The following FAM107A variants were observed in gnomAD, a reference collection of about 807,000 sequenced individuals.
FAM107A encodes actin-associated protein FAM107A.
FAM107A carries 19 observed loss-of-function variants against 13.7 expected under a neutral mutation model. The ratio of observed to expected loss-of-function variants is 1.38; its 90% CI spans 0.97 to 2.03. FAM107A has a LOEUF of 2.03. Among genes scored for constraint, FAM107A ranks in the 30% most tolerant of loss-of-function variants. The pLI, the probability that FAM107A is intolerant of heterozygous loss-of-function variation, is 0.00. For missense variants in FAM107A, 203 were observed against 184.4 expected, an observed-to-expected ratio of 1.10 and a Z score of -0.58; for synonymous variants, 82 against 74.5, an observed-to-expected ratio of 1.10 and a Z score of -0.52.
chr3:58,623,798 T>A (rs1401929332), intron 1 of FAM107A, among the ~76,000 whole-genome samples: 1 of 152,238 alleles, frequency 6.6e-6, no homozygotes, highest in African/African-American at 2.4e-5. Flanking sequence ...AAACTCTCCA[T>A]GTCCAAGAGC....
chr3:58,595,937 A>G (rs935384999), intron 1 of FAM107A, among the ~76,000 whole-genome samples: 3 of 152,226 alleles, frequency 2.0e-5, no homozygotes, highest in African/African-American at 7.2e-5. Context: ...AAATATGGCC[A>G]ACTGTCATTT....
exon 1 of FAM107A, chr3:58,587,111 G>C: frequency 7.3e-7 from 1 of 1,370,826 alleles, no homozygotes; most frequent in South Asian, 1.7e-5. Flanking sequence ...GCCGCCGGGG[G>C]AAGGAGGGGG....
chr3:58,587,289 T>G (rs1041491041), upstream of FAM107A, among the ~76,000 whole-genome samples: 1 of 152,222 alleles, frequency 6.6e-6, no homozygotes, highest in Admixed American at 6.5e-5. Flanking sequence ...GCCGCTGGCC[T>G]TGTTGATGCT....
At chr3:58,567,093 C>A (rs1253049615) in intron 3 of FAM107A, 115 bp downstream of exon 3, 2 of 1,313,608 alleles carry the variant, frequency 1.5e-6, no homozygotes, top group South Asian at 2.4e-5. Flanking sequence ...GACTCTTAGT[C>A]CAGTGCTCTG....
intron 1 of FAM107A, among the ~76,000 whole-genome samples, chr3:58,606,669 AC>A: frequency 6.6e-6 from 1 of 152,352 alleles, no homozygotes; most frequent in Non-Finnish European, 1.5e-5. Flanking sequence ...CTCTTGGCTC[AC>A]CTAACACTTA....
At chr3:58,580,631 CTT>C (rs558402887), upstream of FAM107A, among the ~76,000 whole-genome samples, 1,298 of 152,006 alleles carry the variant, frequency 8.5e-3, 12 homozygotes, top group Non-Finnish European at 0.014. Flanking sequence ...CCAGGCTGGT[CTT>C]GAACTCTTGG....
intron 1 of FAM107A, among the ~76,000 whole-genome samples, chr3:58,620,464 A>G (rs1213987577): frequency 6.6e-6 from 1 of 152,250 alleles, no homozygotes; most frequent in African/African-American, 2.4e-5. Flanking sequence ...AGATCCACTC[A>G]GGGAAGGCTT....
chr3:58,625,321 A>G (rs549077154), intron 1 of FAM107A, among the ~76,000 whole-genome samples: 1 of 152,292 alleles, frequency 6.6e-6, no homozygotes, highest in South Asian at 2.1e-4. Flanking sequence ...GCCTTTTCAA[A>G]AGACTCCATG....
chr3:58,620,475 C>T (rs553905018), intron 1 of FAM107A, among the ~76,000 whole-genome samples: 93 of 152,374 alleles, frequency 6.1e-4, no homozygotes, highest in African/African-American at 2.0e-3. Flanking sequence ...GGGAAGGCTT[C>T]GTGGAAGAAG....
chr3:58,567,177 G>A (rs1218928562), intron 3 of FAM107A, 31 bp downstream of exon 3: 1 of 1,613,750 alleles, frequency 6.2e-7, no homozygotes, highest in South Asian at 1.1e-5. Flanking sequence ...CCTGGAGGAT[G>A]CGTGGTCCCT....
intron 1 of FAM107A, among the ~76,000 whole-genome samples, chr3:58,624,711 G>A (rs1044935764): frequency 5.3e-5 from 8 of 151,386 alleles, no homozygotes; most frequent in African/African-American, 1.5e-4. Flanking sequence ...GGGGACAAAG[G>A]TGAGTTCACC....
intron 1 of FAM107A, among the ~76,000 whole-genome samples, chr3:58,609,970 A>G (rs2065837356): frequency 6.6e-6 from 1 of 152,250 alleles, no homozygotes; most frequent in Non-Finnish European, 1.5e-5. Flanking sequence ...TACAGTGTGC[A>G]GGAAGTGCAC....
At chr3:58,603,502 G>T (rs1254252479) in intron 1 of FAM107A, among the ~76,000 whole-genome samples, 1 of 152,178 alleles carries the variant, frequency 6.6e-6, no homozygotes, top group Non-Finnish European at 1.5e-5. Flanking sequence ...GAGGAAAGCA[G>T]GATGGAGCAG....
At chr3:58,597,604 G>C (rs2065718826) in intron 1 of FAM107A, among the ~76,000 whole-genome samples, 1 of 152,190 alleles carries the variant, frequency 6.6e-6, no homozygotes, top group South Asian at 2.1e-4. Context: ...TTGGCACATA[G>C]GTGCTTTGTA....
At chr3:58,571,161 CA>C (rs1326834597) in intron 1 of FAM107A, among the ~76,000 whole-genome samples, 1 of 152,138 alleles carries the variant, frequency 6.6e-6, no homozygotes, top group African/African-American at 2.4e-5. Context: ...GTGCACGTTG[CA>C]AGGTGATATG....
intron 1 of FAM107A, chr3:58,609,293 G>A (rs1032515911): frequency 3.3e-5 from 5 of 152,152 alleles, no homozygotes; most frequent in Admixed American, 3.3e-4. Context: ...TTACAGAAAT[G>A]TTTGTTTTCT....
At chr3:58,579,872 C>G (rs577929953), upstream of FAM107A, among the ~76,000 whole-genome samples, 2 of 152,364 alleles carry the variant, frequency 1.3e-5, no homozygotes, top group East Asian at 3.9e-4. Flanking sequence ...AAAAACTCTT[C>G]TCACAGTCCA....
chr3:58,619,890 G>T (rs557826946), intron 1 of FAM107A, among the ~76,000 whole-genome samples: 3 of 152,262 alleles, frequency 2.0e-5, no homozygotes, highest in Admixed American at 6.5e-5. Context: ...GTGGAGGCAG[G>T]GTGGGGAATG....
At chr3:58,580,330 C>G (rs1444189), upstream of FAM107A, among the ~76,000 whole-genome samples, 1 of 150,096 alleles carries the variant, frequency 6.7e-6, no homozygotes, top group African/African-American at 2.5e-5. Context: ...ATCTCAAATA[C>G]TATTACTAGA....
Sources: allele counts gnomAD v4.1 joint callset (sites outside exome capture counted in the v4.1 genomes callset), GRCh38; gene constraint gnomAD v4.1.1; transcripts MANE v1.5; gene names NCBI Gene and HGNC (gene_info 2026-07-23, HGNC 2026-07-21).